The following BBOX1 variants were observed in gnomAD, a reference collection of about 807,000 sequenced individuals.
BBOX1 encodes the protein gamma-butyrobetaine dioxygenase.
A neutral mutation model predicts 41.6 loss-of-function variants in BBOX1; 35 were observed. The ratio of observed to expected loss-of-function variants is 0.84; its 90% CI spans 0.64 to 1.11. The LOEUF (loss-of-function observed/expected upper bound fraction) is 1.11. BBOX1 is among the 50% of genes most tolerant of loss of function. The pLI, the probability that BBOX1 is intolerant of heterozygous loss-of-function variation, is 0.00. For synonymous variants in BBOX1, 163 were observed against 154.7 expected, an observed-to-expected ratio of 1.05 and a Z score of -0.40; for missense variants, 458 against 460.6, an observed-to-expected ratio of 0.99 and a Z score of 0.05.
At chr11:27,059,434 G>A (rs1857075921) in intron 4 of BBOX1, among the ~76,000 whole-genome samples, 1 of 152,244 alleles carries the variant, frequency 6.6e-6, no homozygotes, top group African/African-American at 2.4e-5. Context: ...CAGGGGCAGA[G>A]CCCTCACAAA....
At chr11:27,062,161 A>G (rs996820067) in intron 4 of BBOX1, among the ~76,000 whole-genome samples, 1 of 152,330 alleles carries the variant, frequency 6.6e-6, no homozygotes, top group Admixed American at 6.5e-5. Context: ...CTCAACAAAG[A>G]AAAAGGCAGG....
chr11:27,116,854 A>G (rs937274299), intron 6 of BBOX1, among the ~76,000 whole-genome samples: 4 of 152,016 alleles, frequency 2.6e-5, no homozygotes, highest in African/African-American at 9.7e-5. Context: ...AGGAAGCTGC[A>G]AAAATGCATT....
intron 5 of BBOX1, among the ~76,000 whole-genome samples, chr11:27,113,478 AAAC>A (rs1859151703): frequency 6.6e-6 from 1 of 151,944 alleles, no homozygotes; most frequent in South Asian, 2.1e-4. Context: ...CAGCTATATG[AAAC>A]AACAAGATTA....
chr11:27,126,910 G>A (rs1259574127), intron 8 of BBOX1, among the ~76,000 whole-genome samples: 4 of 152,146 alleles, frequency 2.6e-5, no homozygotes, highest in East Asian at 1.9e-4. Context: ...TGCTGACCTC[G>A]TGATCCGCCC....
intron 4 of BBOX1, among the ~76,000 whole-genome samples, chr11:27,087,919 T>C (rs1236973259): frequency 2.6e-5 from 4 of 152,086 alleles, no homozygotes; most frequent in Non-Finnish European, 5.9e-5. Flanking sequence ...TGTAAAATCA[T>C]AATTATTTAT....
chr11:27,093,601 T>C (rs780528684), intron 5 of BBOX1, among the ~76,000 whole-genome samples: 9 of 151,980 alleles, frequency 5.9e-5, no homozygotes, highest in African/African-American at 9.7e-5. Context: ...AGGTGGTGTA[T>C]ATAATCTGCT....
At chr11:27,049,469 C>T (rs1851602188) in intron 2 of BBOX1, among the ~76,000 whole-genome samples, 1 of 152,194 alleles carries the variant, frequency 6.6e-6, no homozygotes, top group East Asian at 1.9e-4. Flanking sequence ...ACGTTGGCCT[C>T]AAACTCCTGA....
At chr11:27,084,580 G>A (rs1307472048) in intron 4 of BBOX1, among the ~76,000 whole-genome samples, 1 of 152,112 alleles carries the variant, frequency 6.6e-6, no homozygotes, top group East Asian at 1.9e-4. Context: ...GGTATTTACA[G>A]GAAGAGACAG....
chr11:27,110,601 G>C (rs917060773), intron 5 of BBOX1, among the ~76,000 whole-genome samples: 6 of 151,840 alleles, frequency 4.0e-5, no homozygotes, highest in Non-Finnish European at 4.4e-5. Context: ...CCCTTATTTT[G>C]TTTGGGTTTC....
chr11:27,120,070 C>T (rs1443930505), intron 7 of BBOX1, among the ~76,000 whole-genome samples: 2 of 151,954 alleles, frequency 1.3e-5, no homozygotes, highest in East Asian at 1.9e-4. Flanking sequence ...TAAGATTTCA[C>T]GTATACTTCA....
chr11:27,078,672 A>C (rs965121766), intron 4 of BBOX1, among the ~76,000 whole-genome samples: 15 of 152,122 alleles, frequency 9.9e-5, no homozygotes, highest in Admixed American at 3.9e-4. Flanking sequence ...ACACACATAC[A>C]CATTTTTCAA....
intron 5 of BBOX1, among the ~76,000 whole-genome samples, chr11:27,113,807 G>T (rs1375781458): frequency 7.5e-6 from 1 of 133,894 alleles, no homozygotes; most frequent in African/African-American, 2.7e-5. Context: ...GAACCTAAAA[G>T]TAAAAAAAAA....
At chr11:27,113,501 T>C (rs1487532701) in intron 5 of BBOX1, among the ~76,000 whole-genome samples, 1 of 151,808 alleles carries the variant, frequency 6.6e-6, no homozygotes, top group Non-Finnish European at 1.5e-5. Context: ...ATGTCCTTTG[T>C]AGCACCATGG....
At position 27,093,243 on chromosome 11, in the gene BBOX1, C is replaced by T; in HGVS notation, c.410C>T (p.Ala137Val). The T allele has an allele frequency of 6.2e-7, 1 of 1,612,484 alleles. No individual in the cohort carries two copies. The highest frequency in any genetic ancestry group is 8.5e-7 in the Non-Finnish European group (1 of 1,179,012). ...GATGTTTTAAGATATGATGAACACG[C>T]ATACAAGTGGCTCTCCACCCTCAAG... ...FEDVLRYDEHAYKWLSTLKKV... is the reference protein window; with the variant it reads ...FEDVLRYDEHVYKWLSTLKKV... Residue 137 changes from alanine to valine, a missense_variant, in exon 5 of 9, where the codon GCA becomes GTA. Physicochemically the swap from Ala to Val is moderately conservative, Grantham distance 64. Coordinates refer to ENST00000263182, the MANE Select transcript of BBOX1 (RefSeq NM_003986.3).
chr11:27,060,669 G>A (rs1564957482), intron 4 of BBOX1, among the ~76,000 whole-genome samples: 1 of 152,112 alleles, frequency 6.6e-6, no homozygotes, highest in Non-Finnish European at 1.5e-5. Context: ...TAATCAACTT[G>A]AACCAAATAG....
At chr11:27,044,178 A>C (rs1269667286) in intron 2 of BBOX1, among the ~76,000 whole-genome samples, 1 of 152,114 alleles carries the variant, frequency 6.6e-6, no homozygotes, top group East Asian at 1.9e-4. Flanking sequence ...TTTGATTTGC[A>C]TTTGTCTAAT....
At chr11:27,101,271 A>G (rs945368485) in intron 5 of BBOX1, among the ~76,000 whole-genome samples, 1 of 152,170 alleles carries the variant, frequency 6.6e-6, no homozygotes, top group Non-Finnish European at 1.5e-5. Context: ...CAGCACCAGA[A>G]TATTCATTGC....
chr11:27,111,362 C>G (rs367865593), intron 5 of BBOX1, among the ~76,000 whole-genome samples: 2 of 151,704 alleles, frequency 1.3e-5, no homozygotes, highest in African/African-American at 2.4e-5. Context: ...AAGGAGGGAA[C>G]GGGAAAGGGC....
chr11:27,058,551 G>A (rs1039513112), intron 4 of BBOX1, among the ~76,000 whole-genome samples: 1 of 152,182 alleles, frequency 6.6e-6, no homozygotes, highest in Non-Finnish European at 1.5e-5. Flanking sequence ...AGATGGTTGT[G>A]ACCAAAATGC....
Sources: gnomAD v4.1 joint callset for allele counts (sites outside exome capture counted in the v4.1 genomes callset) on GRCh38, gnomAD v4.1.1 for gene constraint, MANE v1.5 for transcripts, NCBI Gene and HGNC (gene_info 2026-07-23, HGNC 2026-07-21) for gene names.